Variants in DHX57 observed in about 807,000 individuals in gnomAD.
DHX57 encodes the protein DExH-box helicase 57.
A neutral mutation model predicts 156.2 loss-of-function variants in DHX57; 105 were observed. The observed-to-expected ratio is 0.67, with a 90% CI of 0.57 to 0.79. The LOEUF (loss-of-function observed/expected upper bound fraction) is 0.79. Among genes scored for constraint, DHX57 ranks in the 30% least tolerant of loss-of-function variants. DHX57 has a pLI of 0.00. For missense variants in DHX57, 1,847 were observed against 1,661.9 expected (o/e 1.11, Z -1.94); for synonymous variants, 704 against 595.6 (o/e 1.18, Z -2.65).
In DHX57 at chr2:38,849,038, T is replaced by C. The variant is rs1410852943; in HGVS notation, c.2031-636A>G. Among the ~76,000 whole-genome samples, 3 of 152,226 alleles carry C rather than the reference T, an allele frequency of 2.0e-5. 1 individual carries two copies. Among genetic ancestry groups the C allele is most frequent in the Non-Finnish European group, 4.4e-5 (3 of 68,038 alleles). The stretch of plus-strand genomic sequence containing the variant: ...ATTATTTTTTTACTCTTAGCTGGTA[T>C]AGGGTACAAATTTGATAATTCTACT... On this transcript the variant is annotated intron_variant, in intron 9 of 23. Coordinates refer to ENST00000457308, the MANE Select transcript of DHX57 (RefSeq NM_198963.3).
At chr2:38,873,700 G>A (rs1460033424) in intron 1 of DHX57, among the ~76,000 whole-genome samples, 1 of 152,182 alleles carries the variant, frequency 6.6e-6, no homozygotes, top group Non-Finnish European at 1.5e-5. Context: ...CACTTATTAT[G>A]TGCCAGATCC....
intron 11 of DHX57, among the ~76,000 whole-genome samples, chr2:38,843,570 C>A (rs917974529): frequency 6.6e-6 from 1 of 152,318 alleles, no homozygotes; most frequent in African/African-American, 2.4e-5. Flanking sequence ...TCCCAGGCAG[C>A]TGATTTCCTT....
chr2:38,810,597 G>A (rs1047754963), intron 21 of DHX57: 1 of 609,626 alleles, frequency 1.6e-6, no homozygotes, highest in Non-Finnish European at 3.1e-6. Flanking sequence ...CCTGGCAGAG[G>A]ATGTACACCT....
intron 13 of DHX57, among the ~76,000 whole-genome samples, chr2:38,835,332 C>G (rs1310713992): frequency 6.6e-6 from 1 of 152,166 alleles, no homozygotes; most frequent in African/African-American, 2.4e-5. Flanking sequence ...ATCAGCACTG[C>G]CCTGTCTATA....
In DHX57 at chr2:38,815,536, A is replaced by T. The variant is rs142069579; in HGVS notation, c.3591T>A (p.Asp1197Glu). 3 of 1,614,120 alleles carry T rather than the reference A, an allele frequency of 1.9e-6. No homozygotes were observed. In the African/African-American group the frequency reaches 4.0e-5, roughly 22 times the overall value. The change falls in exon 20 of 24, where the codon GAT (aspartate) becomes GAA (glutamate). Residue 1197 changes from aspartate to glutamate, a missense_variant. Transcript: ENST00000457308. Reference protein sequence around the residue: ...KRAQGGDGVLDATGEEANSNA... With the variant: ...KRAQGGDGVLEATGEEANSNA... The stretch of plus-strand genomic sequence containing the variant: ...CATTCTTTACCTCTTCTCCTGTGGC[A>T]TCTAAGACACCATCTCCTCCTTGGG...
intron 8 of DHX57, 175 bp downstream of exon 8, chr2:38,854,882 A>G: frequency 1.6e-6 from 1 of 644,162 alleles, no homozygotes; most frequent in Non-Finnish European, 2.5e-6. Context: ...TTATACCAAA[A>G]TATTTCTAAA....
At chr2:38,873,211 G>T (rs990769784) in intron 1 of DHX57, among the ~76,000 whole-genome samples, 1 of 152,118 alleles carries the variant, frequency 6.6e-6, no homozygotes, top group Admixed American at 6.5e-5. Context: ...GGCTGGTCTC[G>T]AATTCCTGAC....
At chr2:38,854,018 G>A in intron 9 of DHX57, 36 bp downstream of exon 9, 1 of 1,570,072 alleles carries the variant, frequency 6.4e-7, no homozygotes, top group Non-Finnish European at 8.7e-7. Flanking sequence ...TTCAATTCAG[G>A]TGAGTGTGTG....
intron 12 of DHX57, among the ~76,000 whole-genome samples, chr2:38,841,950 G>T (rs190132236): frequency 6.6e-6 from 1 of 152,106 alleles, no homozygotes; most frequent in East Asian, 1.9e-4. Flanking sequence ...AAAACTATTG[G>T]GATATTAAAT....
chr2:38,853,926 A>G lies in DHX57; in HGVS notation c.2030+128T>C, dbSNP rs1165701785. ...AAGAAAGCAGTTGCTCTTCTCTAAC[A>G]TAGGCCTTCCTTGTGGCAAATTACC... On this transcript the variant is annotated intron_variant, in intron 9 of 23. Coordinates refer to ENST00000457308, the MANE Select transcript of DHX57 (RefSeq NM_198963.3). The G allele has an allele frequency of 1.3e-5, 12 of 889,980 alleles. No homozygotes were observed. In the Admixed American group the frequency reaches 2.6e-4, roughly 20 times the overall value. 55.1% of individuals were successfully genotyped at this position (889,980 alleles called of 1,614,324 possible).
chr2:38,863,538 C>T lies in DHX57; in HGVS notation c.225-19G>A, dbSNP rs188807363. 1.2e-6 allele frequency: 2 copies of T among 1,603,826 alleles called. No individual in the cohort carries two copies. The highest frequency in any genetic ancestry group is 1.7e-5 in the Admixed American group (1 of 57,194). ...GCTAGGTCTATAGAGAACAAAAGAG[C>T]AAAATTACACACATATCTTCAATCA... On this transcript the variant is annotated intron_variant, in intron 2 of 23. Coordinates refer to ENST00000457308, the MANE Select transcript of DHX57 (RefSeq NM_198963.3).
At chr2:38,819,025 T>A in intron 18 of DHX57, 24 bp downstream of exon 18, 3 of 1,614,040 alleles carry the variant, frequency 1.9e-6, no homozygotes, top group South Asian at 1.1e-5. Flanking sequence ...GTAATAAAAC[T>A]AAGCTATTAG....
intron 14 of DHX57, among the ~76,000 whole-genome samples, chr2:38,827,141 A>C (rs1202410549): frequency 6.6e-6 from 1 of 151,542 alleles, no homozygotes; most frequent in Non-Finnish European, 1.5e-5. Flanking sequence ...CGAAAAATAA[A>C]ATAAAATAAA....
chr2:38,811,473 A>G (rs1283045222), intron 21 of DHX57: 4 of 683,334 alleles, frequency 5.9e-6, no homozygotes, highest in African/African-American at 3.6e-5. Context: ...GACGTCCTCA[A>G]TGAACACCTT....
intron 9 of DHX57, 115 bp from the exon 10 acceptor site, chr2:38,848,517 C>T: frequency 9.4e-7 from 1 of 1,059,564 alleles, no homozygotes; most frequent in South Asian, 1.9e-5. Flanking sequence ...AAAAAAAAAC[C>T]ATTAACGTTC....
At chr2:38,839,943 G>C (rs1218142622) in intron 12 of DHX57, among the ~76,000 whole-genome samples, 2 of 152,058 alleles carry the variant, frequency 1.3e-5, no homozygotes, top group Admixed American at 1.3e-4. Flanking sequence ...ACATAGTTTT[G>C]TTTTTTAAAA....
intron 12 of DHX57, among the ~76,000 whole-genome samples, chr2:38,840,739 C>A (rs896842092): frequency 2.6e-5 from 4 of 152,082 alleles, no homozygotes; most frequent in Non-Finnish European, 4.4e-5. Flanking sequence ...ACTTTAGTAA[C>A]CTTTGTGCTT....
chr2:38,807,605 C>T (rs1014311384), intron 21 of DHX57, among the ~76,000 whole-genome samples: 2 of 151,972 alleles, frequency 1.3e-5, no homozygotes, highest in African/African-American at 2.4e-5. Flanking sequence ...GATCCACCTG[C>T]GTCGGCCTCC....
rs976083232 is a variant in DHX57, at chr2:38,827,569, C to T, written c.2639+771G>A. ...ATATATATACACATACACACACACA[C>T]ACATACATACACACACACAGAGAAG... On this transcript the variant is annotated intron_variant, in intron 14 of 23. Coordinates refer to ENST00000457308, the MANE Select transcript of DHX57 (RefSeq NM_198963.3). 4.9e-5 allele frequency among the ~76,000 whole-genome samples: 7 copies of T among 141,968 alleles called. No homozygotes were observed. The East Asian group carries it at 1.4e-3, about 29-fold the overall frequency. The allele number at this position is 141,968 out of a possible 152,430, so 93.1% of individuals were successfully genotyped here. A position where few individuals can be genotyped will look rare whatever the true frequency, so the allele number is the denominator to read the frequency against.
Sources: allele counts gnomAD v4.1 joint callset (sites outside exome capture counted in the v4.1 genomes callset), GRCh38; gene constraint gnomAD v4.1.1; transcripts MANE v1.5; gene names NCBI Gene and HGNC (gene_info 2026-07-23, HGNC 2026-07-21).